Variants in PPP1R16B observed in about 807,000 individuals in gnomAD.
PPP1R16B encodes the protein protein phosphatase 1 regulatory inhibitor subunit 16B.
A neutral mutation model predicts 61.7 loss-of-function variants in PPP1R16B; 14 were observed. The ratio of observed to expected loss-of-function variants is 0.23; its 90% CI spans 0.15 to 0.35. The LOEUF (loss-of-function observed/expected upper bound fraction) is 0.35. Ranked by LOEUF, PPP1R16B falls within the 10% of genes least tolerant of loss-of-function variation. The probability of loss-of-function intolerance (pLI) is 1.00; values close to 1 mark genes in which losing one functional copy is unlikely to be tolerated. For missense variants in PPP1R16B, 547 were observed against 752.5 expected, an observed-to-expected ratio of 0.73 and a Z score of 3.19; for synonymous variants, 266 against 305.3, an observed-to-expected ratio of 0.87 and a Z score of 1.34.
At chr20:38,890,921 G>A (rs866383104) in intron 3 of PPP1R16B, among the ~76,000 whole-genome samples, 5 of 152,246 alleles carry the variant, frequency 3.3e-5, no homozygotes, top group Middle Eastern at 6.8e-3. Flanking sequence ...AGGTCCCTGT[G>A]TGTCCTCTTG....
At chr20:38,900,486 A>T in intron 4 of PPP1R16B, 95 bp from the exon 5 acceptor site, 1 of 903,758 alleles carries the variant, frequency 1.1e-6, no homozygotes, top group Non-Finnish European at 1.7e-6. Flanking sequence ...GCCGGGTTGT[A>T]CAGTAGGATT....
At chr20:38,891,745 T>A (rs999206127) in intron 3 of PPP1R16B, among the ~76,000 whole-genome samples, 1 of 151,362 alleles carries the variant, frequency 6.6e-6, no homozygotes, top group Non-Finnish European at 1.5e-5. Context: ...GAGGTTGTAG[T>A]GAGCTGAGAT....
intron 1 of PPP1R16B, among the ~76,000 whole-genome samples, chr20:38,811,511 T>C (rs945430961): frequency 6.6e-6 from 1 of 152,230 alleles, no homozygotes; most frequent in African/African-American, 2.4e-5. Context: ...TGTAATCATA[T>C]GGAAAATGCT....
chr20:38,851,646 C>T (rs2084969743), intron 2 of PPP1R16B, among the ~76,000 whole-genome samples: 1 of 152,136 alleles, frequency 6.6e-6, no homozygotes, highest in African/African-American at 2.4e-5. Context: ...ATGGGCCAGA[C>T]CACCTTGGAG....
chr20:38,921,887 T>A lies in PPP1R16B; in HGVS notation c.*3221T>A, dbSNP rs1269265354. ...GCCTTTCCTTGGGAATCTGCCTCCC[T>A]CCATGGCAGGGGTGGATTCGGGAGC... On this transcript the variant is annotated 3_prime_UTR_variant, in exon 11 of 11. Coordinates refer to ENST00000299824, the MANE Select transcript of PPP1R16B (RefSeq NM_015568.4). 6.6e-6 allele frequency: 1 copy of A among 152,202 alleles called. No homozygotes were observed. Among genetic ancestry groups the A allele is most frequent in the Non-Finnish European group, 1.5e-5 (1 of 68,018 alleles). 9.4% of individuals were successfully genotyped at this position (152,202 alleles called of 1,614,324 possible).
intron 2 of PPP1R16B, among the ~76,000 whole-genome samples, chr20:38,877,312 CT>C (rs542109425): frequency 0.012 from 1,784 of 145,196 alleles, 21 homozygotes; most frequent in African/African-American, 0.037. Context: ...TATATACTAA[CT>C]TTTTTTTTTT....
intron 3 of PPP1R16B, among the ~76,000 whole-genome samples, chr20:38,895,310 T>G (rs868634949): frequency 2.6e-5 from 4 of 152,214 alleles, no homozygotes; most frequent in Admixed American, 6.5e-5. Flanking sequence ...TGACAGAGTG[T>G]TTTTTACCTG....
chr20:38,852,629 A>G (rs977338762), intron 2 of PPP1R16B, among the ~76,000 whole-genome samples: 2 of 151,990 alleles, frequency 1.3e-5, no homozygotes, highest in Non-Finnish European at 1.5e-5. Flanking sequence ...CAGGTGCTCA[A>G]TGGAGTCTAG....
chr20:38,889,655 C>G lies in PPP1R16B; in HGVS notation c.311C>G (p.Ala104Gly). 6.3e-7 allele frequency: 1 copy of G among 1,592,732 alleles called. No individual in the cohort carries two copies. Among genetic ancestry groups the G allele is most frequent in the Non-Finnish European group, 8.6e-7 (1 of 1,160,462 alleles). ...PDLCNEDGLT[A>G]LHQCCIDNFE... ...TTGTGCAATGAGGACGGACTCACAG[C>G]CCTACACCAGGTAAGGCCGGGCTCG... Residue 104 changes from alanine to glycine, a missense_variant, in exon 3 of 11, where the codon GCC becomes GGC. Physicochemically the swap from Ala to Gly is moderately conservative, Grantham distance 60. Transcript: ENST00000299824.
intron 1 of PPP1R16B, among the ~76,000 whole-genome samples, chr20:38,831,309 G>A (rs1376318347): frequency 6.6e-6 from 1 of 152,204 alleles, no homozygotes; most frequent in African/African-American, 2.4e-5. Context: ...TGGGTCTCAC[G>A]AGGAGGCCAG....
At chr20:38,902,862 C>A (rs1276420580) in intron 6 of PPP1R16B, 70 bp downstream of exon 6, 1 of 1,598,832 alleles carries the variant, frequency 6.3e-7, no homozygotes, top group East Asian at 2.2e-5. Flanking sequence ...TGGTGGGGAC[C>A]AACCCTGTAC....
rs1284716670 is a variant in PPP1R16B at position 38,921,389 on chromosome 20, CAG to C, written c.*2726_*2727del. On this transcript the variant is annotated 3_prime_UTR_variant, in exon 11 of 11. Transcript: ENST00000299824. ...TTCTGCGGATAAAGGAGGAATAAGA[CAG>C]AGTCAGGAGAACTGTTCCTTGTGGT... 6.6e-6 allele frequency: 1 copy of C among 152,266 alleles called. No homozygotes were observed. Among genetic ancestry groups the C allele is most frequent in the Admixed American group, 6.5e-5 (1 of 15,284 alleles). The allele number at this position is 152,266 out of a possible 1,614,324, so 9.4% of individuals were successfully genotyped here. A position where few individuals can be genotyped will look rare whatever the true frequency, so the allele number is the denominator to read the frequency against.
At chr20:38,816,503 T>C (rs1414512816) in intron 1 of PPP1R16B, among the ~76,000 whole-genome samples, 1 of 152,198 alleles carries the variant, frequency 6.6e-6, no homozygotes, top group African/African-American at 2.4e-5. Context: ...CTATGTATTG[T>C]AAAGGGACCT....
chr20:38,918,361 C>T lies in PPP1R16B; in HGVS notation c.1399C>T (p.Pro467Ser), dbSNP rs749595463. Residue 467 changes from proline to serine, a missense_variant, in exon 11 of 11, where the codon CCG (proline) becomes TCG (serine). Coordinates refer to ENST00000299824, the MANE Select transcript of PPP1R16B (RefSeq NM_015568.4). This position sits in a 1 kb window ranked among gnomAD's most constrained non-coding sequence, Gnocchi z 5.3. ...CAACCCTGGCGTGGCCGACGCCACC[C>T]CGCCCTGGAGCAGCTACAAGGAACA... ...YGNPGVADAT[P>S]PWSSYKEQSP... is the part of the protein sequence containing the mutation. 2 of 1,614,062 alleles carry T rather than the reference C, an allele frequency of 1.2e-6. No individual in the cohort carries two copies. The highest frequency in any genetic ancestry group is 2.2e-5 in the South Asian group (2 of 91,078).
intron 2 of PPP1R16B, among the ~76,000 whole-genome samples, chr20:38,853,198 G>A (rs980054496): frequency 1.3e-5 from 2 of 152,158 alleles, no homozygotes; most frequent in Non-Finnish European, 2.9e-5. Context: ...AGCATCACAT[G>A]GAGGAACACT....
At chr20:38,811,581 T>G (rs925076592) in intron 1 of PPP1R16B, among the ~76,000 whole-genome samples, 1 of 152,252 alleles carries the variant, frequency 6.6e-6, no homozygotes, top group African/African-American at 2.4e-5. Context: ...TCTGCAGTAC[T>G]TATAATTGTG....
chr20:38,915,427 C>A (rs2085526880), intron 10 of PPP1R16B, among the ~76,000 whole-genome samples: 1 of 152,168 alleles, frequency 6.6e-6, no homozygotes, highest in South Asian at 2.1e-4. Flanking sequence ...ATAAGTCTTG[C>A]TTTTCCAAAA....
At chr20:38,861,417 T>C (rs2085049727) in intron 2 of PPP1R16B, among the ~76,000 whole-genome samples, 1 of 152,210 alleles carries the variant, frequency 6.6e-6, no homozygotes, top group Non-Finnish European at 1.5e-5. Context: ...ATGAGTTGCC[T>C]GGGAGAGCCA....
chr20:38,919,001 A>AAC lies in PPP1R16B; in HGVS notation c.*353_*354dup, dbSNP rs35869936. 0.17 allele frequency: 35,214 copies of AAC among 210,708 alleles called. 3,270 individuals carry two copies. The highest frequency in any genetic ancestry group is 0.22 in the Middle Eastern group (120 of 544). The allele number at this position is 210,708 out of a possible 1,614,324, so 13.1% of individuals were successfully genotyped here. On this transcript the variant is annotated 3_prime_UTR_variant, in exon 11 of 11. Coordinates refer to ENST00000299824, the MANE Select transcript of PPP1R16B (RefSeq NM_015568.4). ...CGGATCAGTACATGCATGTCACATT[A>AAC]ACACACACACACACACACATATACA...
Sources: allele counts gnomAD v4.1 joint callset (sites outside exome capture counted in the v4.1 genomes callset), GRCh38; gene constraint gnomAD v4.1.1; non-coding constraint Gnocchi (gnomAD v3.1); transcripts MANE v1.5; gene names NCBI Gene and HGNC (gene_info 2026-07-23, HGNC 2026-07-21).